HMGXB4: variants seen among roughly 807,000 people sequenced by gnomAD.
HMGXB4 encodes HMG-box containing 4.
Under a neutral mutation model 63.9 loss-of-function variants are expected in HMGXB4, and 27 were observed. The observed-to-expected ratio is 0.42, with a 90% CI of 0.31 to 0.58. HMGXB4 has a LOEUF of 0.58. Ranked by LOEUF, HMGXB4 falls within the 20% of genes least tolerant of loss-of-function variation. HMGXB4 has a pLI of 0.13. For synonymous variants in HMGXB4, 264 were observed against 265.3 expected (o/e 0.99, Z 0.05); for missense variants, 624 against 700.7 (o/e 0.89, Z 1.24).
chr22:35,254,057 C>G (rs1922296335), upstream of HMGXB4, among the ~76,000 whole-genome samples: 1 of 152,074 alleles, frequency 6.6e-6, no homozygotes, highest in Non-Finnish European at 1.5e-5. Flanking sequence ...AGACGCTGCT[C>G]AAAACACATC....
chr22:35,243,044 T>A, the HMGXB4 span, among the ~76,000 whole-genome samples: 13 of 152,312 alleles, frequency 8.5e-5, no homozygotes, highest in African/African-American at 2.9e-4. Context: ...CAGAATGTAG[T>A]CCATCTTGGC....
chr22:35,246,623 G>C, the HMGXB4 span, among the ~76,000 whole-genome samples: 1 of 152,208 alleles, frequency 6.6e-6, no homozygotes, highest in Non-Finnish European at 1.5e-5. Context: ...GCTAGAAAGA[G>C]CATGCTTCTG....
intron 1 of HMGXB4, among the ~76,000 whole-genome samples, chr22:35,260,007 C>T (rs746182951): frequency 2.6e-5 from 4 of 152,184 alleles, no homozygotes; most frequent in African/African-American, 7.2e-5. Flanking sequence ...AACGAGACCA[C>T]GATACAGTCA....
the HMGXB4 span, among the ~76,000 whole-genome samples, chr22:35,252,216 AAAAC>A: frequency 1.3e-5 from 2 of 152,230 alleles, no homozygotes; most frequent in Non-Finnish European, 2.9e-5. Flanking sequence ...CTCTGTCTCA[AAAAC>A]AAACAAACAA....
chr22:35,258,106 C>A (rs1351712845), intron 1 of HMGXB4: 2 of 152,234 alleles, frequency 1.3e-5, no homozygotes, highest in Non-Finnish European at 2.9e-5. Context: ...TAGCTGTTGC[C>A]GCAAAACTGC....
At chr22:35,255,942 G>A (rs1352112714), upstream of HMGXB4, among the ~76,000 whole-genome samples, 12 of 152,372 alleles carry the variant, frequency 7.9e-5, no homozygotes, top group Non-Finnish European at 1.6e-4. Flanking sequence ...TAGGATGGGA[G>A]CTGCGGAGAA....
At chr22:35,274,388 G>A (rs1041160898) in intron 5 of HMGXB4, among the ~76,000 whole-genome samples, 1 of 152,342 alleles carries the variant, frequency 6.6e-6, no homozygotes, top group East Asian at 1.9e-4. Flanking sequence ...TAGAAGGCAG[G>A]AAGAATTGCT....
chr22:35,279,677 C>CTT (rs35564206), intron 5 of HMGXB4, among the ~76,000 whole-genome samples: 1,598 of 55,080 alleles, frequency 0.029, 72 homozygotes, highest in African/African-American at 0.08. Flanking sequence ...GTCTAGATTC[C>CTT]TTTTTTTTTT....
chr22:35,283,123 C>T (rs977427909), intron 5 of HMGXB4, among the ~76,000 whole-genome samples: 3 of 152,216 alleles, frequency 2.0e-5, no homozygotes, highest in African/African-American at 7.2e-5. Context: ...TATTTGTTCA[C>T]TTCTCACCTT....
intron 9 of HMGXB4, among the ~76,000 whole-genome samples, chr22:35,290,605 T>C (rs1277429776): frequency 8.2e-6 from 1 of 122,476 alleles, no homozygotes; most frequent in African/African-American, 3.3e-5. Flanking sequence ...CACTCCAGCC[T>C]GGGCGACGGA....
At chr22:35,283,544 C>CT (rs1412703053) in intron 5 of HMGXB4, among the ~76,000 whole-genome samples, 1 of 152,166 alleles carries the variant, frequency 6.6e-6, no homozygotes, top group Non-Finnish European at 1.5e-5. Flanking sequence ...AATCCCAGCA[C>CT]TTTGGGAGGC....
chr22:35,273,817 G>A (rs947523645), intron 5 of HMGXB4, among the ~76,000 whole-genome samples: 10 of 152,124 alleles, frequency 6.6e-5, no homozygotes, highest in South Asian at 2.1e-4. Flanking sequence ...GAGCTTCATC[G>A]TCACTAAAAG....
At chr22:35,272,972 A>G (rs537421797) in intron 5 of HMGXB4, among the ~76,000 whole-genome samples, 3 of 152,340 alleles carry the variant, frequency 2.0e-5, no homozygotes, top group South Asian at 2.1e-4. Flanking sequence ...TTGCCATTTC[A>G]GAGACATGCC....
In HMGXB4 at chr22:35,293,604, C is replaced by T. The variant is rs763604668; in HGVS notation, c.1762-3C>T. The T allele has an allele frequency of 6.2e-7, 1 of 1,606,452 alleles. No individual in the cohort carries two copies. The highest frequency in any genetic ancestry group is 1.1e-5 in the South Asian group (1 of 90,882). On this transcript the variant is annotated splice_polypyrimidine_tract_variant and splice_region_variant and intron_variant, in intron 10 of 10. Transcript: ENST00000216106. The stretch of plus-strand genomic sequence containing the variant: ...CAGTTGAACATTTTTCTTTGTTTTG[C>T]AGTCAAACACATTAGACAACATTGC...
upstream of HMGXB4, among the ~76,000 whole-genome samples, chr22:35,254,299 T>C (rs564601315): frequency 1.3e-5 from 2 of 152,338 alleles, no homozygotes; most frequent in African/African-American, 4.8e-5. Flanking sequence ...TGACTAGGCC[T>C]GCCCAGAGGG....
At position 35,295,356 on chromosome 22, in the gene HMGXB4, A is replaced by G. The variant is rs563772143; in HGVS notation, c.*1705A>G. On this transcript the variant is annotated 3_prime_UTR_variant, in exon 11 of 11. Coordinates refer to ENST00000216106, the MANE Select transcript of HMGXB4 (RefSeq NM_001003681.3). ...CAGGATTGTTTGAGAACCAAAATCA[A>G]GAGGAACAGAAATCTTAACTTGATT... The G allele has an allele frequency of 1.3e-5, 2 of 152,760 alleles. No individual in the cohort carries two copies. Among genetic ancestry groups the G allele is most frequent in the Non-Finnish European group, 2.9e-5 (2 of 68,042 alleles). 9.5% of individuals were successfully genotyped at this position (152,760 alleles called of 1,614,324 possible).
chr22:35,280,619 G>A (rs1243976813), intron 5 of HMGXB4, among the ~76,000 whole-genome samples: 2 of 152,146 alleles, frequency 1.3e-5, no homozygotes, highest in African/African-American at 4.8e-5. Context: ...TAGTCCTTAA[G>A]TGTAACCCTG....
At position 35,293,024 on chromosome 22, in the gene HMGXB4, G is replaced by A. The variant is rs1313232182; in HGVS notation, c.1671G>A (p.Val557=). Residue 557 remains valine, a synonymous_variant, in exon 10 of 11, where the codon GTG becomes GTA. Coordinates refer to ENST00000216106, the MANE Select transcript of HMGXB4 (RefSeq NM_001003681.3). The part of the protein sequence containing the change: ...GMVAVSGSLS[V]LLDSIICALG... ...TGGCTGTGTCTGGCAGTTTGTCAGT[G>A]CTTCTGGATTCCATTATCTGTGCCC... The A allele has an allele frequency of 6.2e-7, 1 of 1,614,128 alleles. No homozygotes were observed. Among genetic ancestry groups the A allele is most frequent in the Non-Finnish European group, 8.5e-7 (1 of 1,180,046 alleles).
chr22:35,287,689 C>T (rs1924677823), intron 8 of HMGXB4, among the ~76,000 whole-genome samples: 1 of 151,810 alleles, frequency 6.6e-6, no homozygotes, highest in Admixed American at 6.6e-5. Context: ...TGGCTCATGC[C>T]TGTAATCCTA....
Sources: gnomAD v4.1 joint callset for allele counts (sites outside exome capture counted in the v4.1 genomes callset) on GRCh38, gnomAD v4.1.1 for gene constraint, MANE v1.5 for transcripts, NCBI Gene and HGNC (gene_info 2026-07-23, HGNC 2026-07-21) for gene names.